The following MFAP3 variants were observed in gnomAD, a reference collection of about 807,000 sequenced individuals.
The protein encoded by MFAP3 is microfibril-associated glycoprotein 3.
In MFAP3, 8 loss-of-function variants were observed where a neutral mutation model predicts 20.5. That is an observed-to-expected ratio of 0.39 (90% CI 0.23 to 0.70). The LOEUF (loss-of-function observed/expected upper bound fraction) is 0.70, where lower values mean the gene tolerates loss of function less well. Ranked by LOEUF, MFAP3 falls within the 30% of genes least tolerant of loss-of-function variation. The pLI is 0.44. For missense variants in MFAP3, 398 were observed against 444.6 expected, an observed-to-expected ratio of 0.90 and a Z score of 0.94; for synonymous variants, 140 against 154.0, an observed-to-expected ratio of 0.91 and a Z score of 0.67.
At chr5:154,040,614 G>A (rs1436380285) in intron 1 of MFAP3, among the ~76,000 whole-genome samples, 2 of 152,234 alleles carry the variant, frequency 1.3e-5, no homozygotes, top group Non-Finnish European at 2.9e-5. Flanking sequence ...TGTCATGCCA[G>A]TAAAAGAAAT....
Position 154,057,422 on chromosome 5 carries a change from G to C in MFAP3, c.*3709G>C, listed in dbSNP as rs186178174. ...CATACTTGAATATAATTTATTAAAC[G>C]TTCAATGGAGTATATAGTCTATTTG... On this transcript the variant is annotated 3_prime_UTR_variant, in exon 3 of 3. Transcript: ENST00000522782. Among the ~76,000 whole-genome samples the C allele has an allele frequency of 6.6e-6, 1 of 151,968 alleles. No homozygotes were observed. Among genetic ancestry groups the C allele is most frequent in the Non-Finnish European group, 1.5e-5 (1 of 68,018 alleles).
At chr5:154,044,557 G>T (rs955346296) in intron 1 of MFAP3, among the ~76,000 whole-genome samples, 12 of 152,222 alleles carry the variant, frequency 7.9e-5, no homozygotes, top group Non-Finnish European at 1.6e-4. Context: ...CTATTGTGCA[G>T]CCTCTTTCTC....
intron 1 of MFAP3, among the ~76,000 whole-genome samples, chr5:154,044,647 C>T (rs1773034973): frequency 6.6e-6 from 1 of 152,120 alleles, no homozygotes; most frequent in African/African-American, 2.4e-5. Context: ...ATAGTGTTTT[C>T]CTAAATCCTG....
In MFAP3 at chr5:154,053,129, C is replaced by T. The variant is rs150873518; in HGVS notation, c.505C>T (p.Arg169Trp). The change falls in exon 3 of 3, where the codon CGG (arginine) becomes TGG (tryptophan). Residue 169 changes from arginine to tryptophan, a missense_variant. By Grantham distance (101) the Arg-to-Trp change is moderately radical. Coordinates refer to ENST00000522782, the MANE Select transcript of MFAP3 (RefSeq NM_005927.5). ...FTITLILNVT[R>W]LCMMSSHLRK... ...AATCACACTCATCTTGAATGTCACA[C>T]GGCTGTGCATGATGAGCAGCCATCT... 1.7e-4 allele frequency: 282 copies of T among 1,613,588 alleles called. No homozygotes were observed. Among genetic ancestry groups the T allele is most frequent in the Admixed American group, 3.2e-4 (19 of 59,952 alleles).
In MFAP3 at chr5:154,049,846, G is replaced by A. The variant is rs2113563471; in HGVS notation, c.124G>A (p.Ala42Thr). 6.2e-7 allele frequency: 1 copy of A among 1,613,692 alleles called. No homozygotes were observed. The highest frequency in any genetic ancestry group is 1.6e-4 in the Middle Eastern group (1 of 6,062). ...SLEANRSSYNASFPSSFELSA... is the reference protein window; with the variant it reads ...SLEANRSSYNTSFPSSFELSA... ...GGAAGCAAATCGTAGTTCTTACAATGCATCCTTTCCCTCAAGCTTTGAACT... is the reference window on the plus strand; with the variant it reads ...GGAAGCAAATCGTAGTTCTTACAATACATCCTTTCCCTCAAGCTTTGAACT... The change falls in exon 2 of 3, where the codon GCA becomes ACA. Residue 42 changes from alanine to threonine, a missense_variant. Ala to Thr is a moderately conservative substitution (Grantham distance 58). Coordinates refer to ENST00000522782, the MANE Select transcript of MFAP3 (RefSeq NM_005927.5).
Position 154,054,755 on chromosome 5 carries a change from A to G in MFAP3, c.*1042A>G, listed in dbSNP as rs562703570. ...CAACCCTCCTGCCCTTTGTGGTCTT[A>G]GGTATGGTGCTATAGGTTGCATGCG... On this transcript the variant is annotated 3_prime_UTR_variant, in exon 3 of 3. Coordinates refer to ENST00000522782, the MANE Select transcript of MFAP3 (RefSeq NM_005927.5). 2.4e-5 allele frequency: 4 copies of G among 167,240 alleles called. No individual in the cohort carries two copies. Among genetic ancestry groups the G allele is most frequent in the East Asian group, 1.9e-4 (1 of 5,198 alleles). The allele number at this position is 167,240 out of a possible 1,614,324, so 10.4% of individuals were successfully genotyped here.
intron 1 of MFAP3, among the ~76,000 whole-genome samples, chr5:154,042,161 G>A (rs1772969152): frequency 6.6e-6 from 1 of 152,146 alleles, no homozygotes; most frequent in Non-Finnish European, 1.5e-5. Context: ...GAGGAGTTCT[G>A]TTTTAACTAG....
At chr5:154,044,036 C>T (rs1773022791) in intron 1 of MFAP3, among the ~76,000 whole-genome samples, 1 of 152,194 alleles carries the variant, frequency 6.6e-6, no homozygotes, top group Non-Finnish European at 1.5e-5. Context: ...AATATAATTA[C>T]ATTTCAGTCA....
intron 2 of MFAP3, chr5:154,051,756 G>A (rs886942876): frequency 6.6e-6 from 1 of 152,186 alleles, no homozygotes; most frequent in African/African-American, 2.4e-5. Context: ...AAGTTTGGAT[G>A]ATGATGAAAA....
In MFAP3 at chr5:154,053,419, T is replaced by A; in HGVS notation, c.795T>A (p.Asp265Glu). The change falls in exon 3 of 3, where the codon GAT (aspartate) becomes GAA (glutamate). Residue 265 changes from aspartate (D) to glutamate (E), a missense_variant. Physicochemically the swap from Asp to Glu is conservative, Grantham distance 45. Transcript: ENST00000522782. The stretch of plus-strand genomic sequence containing the variant: ...AGGCTGTGCGAGTGGACGACCCTGA[T>A]GACCTGGGTGAAAGAATTAAAGAGA... ...MFEAVRVDDP[D>E]DLGERIKERP... 1.2e-6 allele frequency: 2 copies of A among 1,613,994 alleles called. No individual in the cohort carries two copies. Among genetic ancestry groups the A allele is most frequent in the Non-Finnish European group, 1.7e-6 (2 of 1,179,934 alleles).
chr5:154,056,306 G>A lies in MFAP3; in HGVS notation c.*2593G>A, dbSNP rs925277498. On this transcript the variant is annotated 3_prime_UTR_variant, in exon 3 of 3. Coordinates refer to ENST00000522782, the MANE Select transcript of MFAP3 (RefSeq NM_005927.5). ...TGTACCAGCTTATGGTGCCATTGAT[G>A]AGGAATTAAAGTAGGTCAAAATTTA... 6.6e-6 allele frequency among the ~76,000 whole-genome samples: 1 copy of A among 152,172 alleles called. No homozygotes were observed. Among genetic ancestry groups the A allele is most frequent in the East Asian group, 1.9e-4 (1 of 5,190 alleles).
chr5:154,052,800 A>T (rs1039546769), intron 2 of MFAP3, 120 bp from the exon 3 acceptor site: 5 of 845,484 alleles, frequency 5.9e-6, no homozygotes, highest in Non-Finnish European at 9.3e-6. Flanking sequence ...CAAATGGTAG[A>T]ATCTAACAAA....
chr5:154,055,314 C>T lies in MFAP3; in HGVS notation c.*1601C>T. ...AAGCGTGACGGGATAAAACTCATGC[C>T]TCCCTTTGTCCAGGCTTATCAGAAG... On this transcript the variant is annotated 3_prime_UTR_variant, in exon 3 of 3. Coordinates refer to ENST00000522782, the MANE Select transcript of MFAP3 (RefSeq NM_005927.5). Among the ~76,000 whole-genome samples, 1 of 152,170 alleles carries T rather than the reference C, an allele frequency of 6.6e-6. No homozygotes were observed. The highest frequency in any genetic ancestry group is 1.9e-4 in the East Asian group (1 of 5,196).
rs1773291694 is a variant in MFAP3 at position 154,054,897 on chromosome 5, T to C, written c.*1184T>C. 1 of 167,106 alleles carries C rather than the reference T, an allele frequency of 6.0e-6. No individual in the cohort carries two copies. The highest frequency in any genetic ancestry group is 1.5e-5 in the Non-Finnish European group (1 of 68,122). The allele number at this position is 167,106 out of a possible 1,614,324, so 10.4% of individuals were successfully genotyped here. ...GTAGCCTTTCCAAGAAGCACTAACC[T>C]GAAATAAGATTAGATAATTGTGAGG... On this transcript the variant is annotated 3_prime_UTR_variant, in exon 3 of 3. Coordinates refer to ENST00000522782, the MANE Select transcript of MFAP3 (RefSeq NM_005927.5).
rs1404266292 is a variant in MFAP3 at position 154,053,588 on chromosome 5, T to C, written c.964T>C (p.Ser322Pro). The change falls in exon 3 of 3, where the codon TCA becomes CCA. Residue 322 changes from serine to proline, a missense_variant. Physicochemically the swap from Ser to Pro is moderately conservative, Grantham distance 74 (BLOSUM62 -1). Coordinates refer to ENST00000522782, the MANE Select transcript of MFAP3 (RefSeq NM_005927.5). ...IAVQVSVHLQ[S>P]ETKSIDTESQ... ...AGTTCAGGTTTCTGTCCACCTTCAG[T>C]CAGAAACCAAAAGTATTGATACAGA... is the stretch of plus-strand genomic sequence containing the variant. The C allele has an allele frequency of 6.2e-7, 1 of 1,613,822 alleles. No homozygotes were observed. Among genetic ancestry groups the C allele is most frequent in the East Asian group, 2.2e-5 (1 of 44,886 alleles).
At position 154,056,872 on chromosome 5, in the gene MFAP3, T is replaced by G. The variant is rs1479152906; in HGVS notation, c.*3159T>G. Among the ~76,000 whole-genome samples, 1 of 152,230 alleles carries G rather than the reference T, an allele frequency of 6.6e-6. No individual in the cohort carries two copies. Among genetic ancestry groups the G allele is most frequent in the African/African-American group, 2.4e-5 (1 of 41,456 alleles). Reference sequence around the variant, plus strand: ...TTATATTTTCTACCAATTACCTTGATAGAAATATCTTAGAAATTGCTGACC... The same window carrying G: ...TTATATTTTCTACCAATTACCTTGAGAGAAATATCTTAGAAATTGCTGACC... On this transcript the variant is annotated 3_prime_UTR_variant, in exon 3 of 3. Transcript: ENST00000522782.
Position 154,056,978 on chromosome 5 carries a change from C to T in MFAP3, c.*3265C>T, listed in dbSNP as rs181611557. ...TTAAGGTCAAAGCAATATCTGTGCA[C>T]GGCTTTCCTTTTGCTCCTCCAGACA... On this transcript the variant is annotated 3_prime_UTR_variant, in exon 3 of 3. Transcript: ENST00000522782. 3.5e-3 allele frequency among the ~76,000 whole-genome samples: 527 copies of T among 152,290 alleles called. 1 individual carries two copies. Among genetic ancestry groups the T allele is most frequent in the Middle Eastern group, 6.8e-3 (2 of 292 alleles).
At position 154,053,179 on chromosome 5, in the gene MFAP3, T is replaced by G; in HGVS notation, c.555T>G (p.Asn185Lys). 1 of 1,613,952 alleles carries G rather than the reference T, an allele frequency of 6.2e-7. No homozygotes were observed. The highest frequency in any genetic ancestry group is 8.5e-7 in the Non-Finnish European group (1 of 1,179,920). The change falls in exon 3 of 3, where the codon AAT becomes AAG. Residue 185 changes from asparagine (N) to lysine (K), a missense_variant. Coordinates refer to ENST00000522782, the MANE Select transcript of MFAP3 (RefSeq NM_005927.5). ...TTCGCAAGACTGAGAAGGCTATCAA[T>G]GAGTTCTTTAGAACTGAAGGGGCTG... ...SHLRKTEKAI[N>K]EFFRTEGAEK...
In MFAP3 at chr5:154,056,900, G is replaced by A. The variant is rs1581870780; in HGVS notation, c.*3187G>A. ...AAATATCTTAGAAATTGCTGACCTGGAACGGTTGTGAGAAGACTCCTGGCT... is the reference window on the plus strand; with the variant it reads ...AAATATCTTAGAAATTGCTGACCTGAAACGGTTGTGAGAAGACTCCTGGCT... On this transcript the variant is annotated 3_prime_UTR_variant, in exon 3 of 3. Coordinates refer to ENST00000522782, the MANE Select transcript of MFAP3 (RefSeq NM_005927.5). Among the ~76,000 whole-genome samples the A allele has an allele frequency of 6.6e-6, 1 of 152,270 alleles. No individual in the cohort carries two copies. Among genetic ancestry groups the A allele is most frequent in the East Asian group, 1.9e-4 (1 of 5,184 alleles).
Sources: gnomAD v4.1 joint callset for allele counts (sites outside exome capture counted in the v4.1 genomes callset) on GRCh38, gnomAD v4.1.1 for gene constraint, MANE v1.5 for transcripts, NCBI Gene and HGNC (gene_info 2026-07-23, HGNC 2026-07-21) for gene names.